Variants in SORCS3 observed in about 807,000 individuals in gnomAD.
SORCS3 encodes sortilin related VPS10 domain containing receptor 3, also known as VPS10 domain-containing receptor SorCS3.
Under a neutral mutation model 146.3 loss-of-function variants are expected in SORCS3, and 57 were observed. The observed-to-expected ratio is 0.39, with a 90% CI of 0.31 to 0.49. The LOEUF is 0.49. Among genes scored for constraint, SORCS3 ranks in the 20% least tolerant of loss-of-function variants. The probability of loss-of-function intolerance (pLI) is 0.92; values close to 1 mark genes in which losing one functional copy is unlikely to be tolerated. For synonymous variants in SORCS3, 653 were observed against 618.5 expected (o/e 1.06, Z -0.83); for missense variants, 1,341 against 1,575.5 (o/e 0.85, Z 2.52).
intron 1 of SORCS3, among the ~76,000 whole-genome samples, chr10:104,662,653 A>G (rs1018901393): frequency 9.2e-5 from 14 of 152,232 alleles, no homozygotes; most frequent in African/African-American, 3.1e-4. Context: ...CCTTTTTGCA[A>G]TTAGACTGGC....
intron 3 of SORCS3, among the ~76,000 whole-genome samples, chr10:104,959,954 G>T (rs59574534): frequency 6.6e-6 from 1 of 152,064 alleles, no homozygotes; most frequent in Non-Finnish European, 1.5e-5. Flanking sequence ...GGACTCTAAG[G>T]CACCATTGGT....
intron 4 of SORCS3, among the ~76,000 whole-genome samples, chr10:105,011,790 C>G (rs574452367): frequency 2.5e-4 from 38 of 152,302 alleles, no homozygotes; most frequent in African/African-American, 9.1e-4. Flanking sequence ...TGAACACTGA[C>G]TATGTCCCAA....
chr10:104,686,887 A>G (rs1043572571), intron 1 of SORCS3, among the ~76,000 whole-genome samples: 5 of 151,866 alleles, frequency 3.3e-5, no homozygotes, highest in African/African-American at 1.2e-4. Context: ...CAGTCCACCC[A>G]TGCATCCATG....
chr10:104,653,747 T>C (rs2015591406), intron 1 of SORCS3, among the ~76,000 whole-genome samples: 1 of 152,228 alleles, frequency 6.6e-6, no homozygotes, highest in Non-Finnish European at 1.5e-5. Context: ...TGCATAATAA[T>C]CACATCATGG....
intron 6 of SORCS3, among the ~76,000 whole-genome samples, chr10:105,091,595 G>A (rs906941213): frequency 4.0e-5 from 6 of 148,434 alleles, no homozygotes; most frequent in African/African-American, 1.3e-4. Flanking sequence ...TCATCTCATT[G>A]GATCCTTAAA....
intron 4 of SORCS3, among the ~76,000 whole-genome samples, chr10:104,989,291 A>G (rs1219069601): frequency 2.0e-5 from 3 of 152,242 alleles, no homozygotes; most frequent in African/African-American, 4.8e-5. Flanking sequence ...CTGACTCTGC[A>G]TGTATCACTC....
chr10:104,778,505 A>G (rs568610603), intron 1 of SORCS3, among the ~76,000 whole-genome samples: 2 of 152,206 alleles, frequency 1.3e-5, no homozygotes, highest in Non-Finnish European at 2.9e-5. Context: ...CTCATTCTCA[A>G]AGAGGAATGA....
intron 7 of SORCS3, among the ~76,000 whole-genome samples, chr10:105,107,176 A>G (rs1350843746): frequency 6.6e-6 from 1 of 152,184 alleles, no homozygotes; most frequent in East Asian, 1.9e-4. Context: ...AGGTCAGTCA[A>G]AGTCAGTCTG....
chr10:104,965,969 T>C (rs1231084202), intron 3 of SORCS3, among the ~76,000 whole-genome samples: 1 of 152,114 alleles, frequency 6.6e-6, no homozygotes, highest in Non-Finnish European at 1.5e-5. Flanking sequence ...ACAGGATATG[T>C]ATAAGCATAC....
At chr10:104,844,890 C>G (rs963383395) in intron 2 of SORCS3, among the ~76,000 whole-genome samples, 5 of 152,116 alleles carry the variant, frequency 3.3e-5, no homozygotes, top group Non-Finnish European at 7.4e-5. Flanking sequence ...AATAAGGTTC[C>G]ATTATAGATT....
At chr10:105,127,930 G>A (rs924237269) in intron 7 of SORCS3, among the ~76,000 whole-genome samples, 3 of 152,142 alleles carry the variant, frequency 2.0e-5, no homozygotes, top group African/African-American at 7.2e-5. Context: ...TCCTATACTA[G>A]CCATTCTTTG....
intron 1 of SORCS3, among the ~76,000 whole-genome samples, chr10:104,659,468 A>G (rs2015673813): frequency 6.6e-6 from 1 of 152,194 alleles, no homozygotes; most frequent in Admixed American, 6.5e-5. Flanking sequence ...TTTTTAGTCC[A>G]GAGAATTTCC....
Position 104,921,115 on chromosome 10 carries a change from C to G in SORCS3, c.795+5183C>G, listed in dbSNP as rs138107382. ...TTATGGTGGGGCTAGTAAGCTCTAG[C>G]TCACAGCTTCTCCTTCCCCTTGCAT... On this transcript the variant is annotated intron_variant, in intron 3 of 26. Transcript: ENST00000369701. Among the ~76,000 whole-genome samples, 403 of 152,340 alleles carry G rather than the reference C, an allele frequency of 2.6e-3. 2 individuals carry two copies. The highest frequency in any genetic ancestry group is 9.1e-3 in the African/African-American group (379 of 41,582).
chr10:105,044,671 T>C (rs2055357388), intron 5 of SORCS3, among the ~76,000 whole-genome samples: 1 of 151,390 alleles, frequency 6.6e-6, no homozygotes. Context: ...CTAAGCATTC[T>C]ATGAAAAATC....
At chr10:105,086,895 G>A (rs531490642) in intron 5 of SORCS3, among the ~76,000 whole-genome samples, 15 of 152,314 alleles carry the variant, frequency 9.8e-5, no homozygotes, top group African/African-American at 2.9e-4. Flanking sequence ...CTTTTGCTGC[G>A]TAGAAGCTCT....
chr10:105,058,669 C>T (rs1001406522), intron 5 of SORCS3, among the ~76,000 whole-genome samples: 3 of 152,106 alleles, frequency 2.0e-5, no homozygotes, highest in Non-Finnish European at 4.4e-5. Context: ...TAATTCTACT[C>T]CTGCCACTGG....
chr10:104,789,835 G>T (rs1434020788), intron 1 of SORCS3, among the ~76,000 whole-genome samples: 1 of 152,182 alleles, frequency 6.6e-6, no homozygotes, highest in South Asian at 2.1e-4. Flanking sequence ...ACCTCTGGCT[G>T]TGTGATCCTG....
chr10:104,649,437 A>C (rs2015533047), intron 1 of SORCS3, among the ~76,000 whole-genome samples: 1 of 152,236 alleles, frequency 6.6e-6, no homozygotes, highest in African/African-American at 2.4e-5. Context: ...CAAGCACTCA[A>C]GATACTTTAG....
chr10:104,940,972 A>G (rs2019315006), intron 3 of SORCS3, among the ~76,000 whole-genome samples: 5 of 152,212 alleles, frequency 3.3e-5, no homozygotes, highest in Admixed American at 3.3e-4. Flanking sequence ...GCATCATGCT[A>G]CCTGACTTCA....
Sources: gnomAD v4.1 joint callset for allele counts (sites outside exome capture counted in the v4.1 genomes callset) on GRCh38, gnomAD v4.1.1 for gene constraint, MANE v1.5 for transcripts, NCBI Gene and HGNC (gene_info 2026-07-23, HGNC 2026-07-21) for gene names.